Variants in RERE observed in about 807,000 individuals in gnomAD.
The protein encoded by RERE is arginine-glutamic acid dipeptide repeats.
Under a neutral mutation model 146.1 loss-of-function variants are expected in RERE, and 40 were observed. The ratio of observed to expected loss-of-function variants is 0.27; its 90% CI spans 0.21 to 0.36. The LOEUF is 0.36. RERE is among the 10% of genes least tolerant of loss of function. The probability of loss-of-function intolerance (pLI) is 1.00; values close to 1 mark genes in which losing one functional copy is unlikely to be tolerated. For synonymous variants in RERE, 1,003 were observed against 866.0 expected (o/e 1.16, Z -2.78); for missense variants, 1,933 against 2,138.7 (o/e 0.90, Z 1.90).
chr1:8,473,294 C>A (rs1262216554), intron 10 of RERE, among the ~76,000 whole-genome samples: 1 of 152,194 alleles, frequency 6.6e-6, no homozygotes, highest in African/African-American at 2.4e-5. Flanking sequence ...GACATTCCAG[C>A]CTCAGAGGCA....
At chr1:8,635,973 TTATC>T (rs1426510332) in intron 2 of RERE, among the ~76,000 whole-genome samples, 3,462 of 86,260 alleles carry the variant, frequency 0.04, 125 homozygotes, top group African/African-American at 0.12. Context: ...TTATCTTATC[TTATC>T]TTATTTTATT....
intron 3 of RERE, among the ~76,000 whole-genome samples, chr1:8,622,712 T>C (rs1646931482): frequency 6.6e-6 from 1 of 152,056 alleles, no homozygotes; most frequent in South Asian, 2.1e-4. Context: ...ACATTTGACT[T>C]CATCTTAAAA....
chr1:8,701,318 A>ACACG (rs2124439507), intron 1 of RERE, among the ~76,000 whole-genome samples: 1 of 51,516 alleles, frequency 1.9e-5, no homozygotes, highest in South Asian at 5.2e-4. Context: ...ACACACACAC[A>ACACG]CACACGCACA....
intron 4 of RERE, among the ~76,000 whole-genome samples, chr1:8,599,319 T>G (rs1481393900): frequency 2.0e-5 from 3 of 152,222 alleles, no homozygotes; most frequent in Admixed American, 6.5e-5. Context: ...AAGGCCAACT[T>G]CTTGTATAAC....
intron 21 of RERE, 111 bp from the exon 22 acceptor site, chr1:8,355,710 A>G: frequency 1.1e-6 from 1 of 936,422 alleles, no homozygotes; most frequent in Non-Finnish European, 1.5e-6. Flanking sequence ...GCCAGTTCGG[A>G]CACAGGAGCC....
intron 3 of RERE, among the ~76,000 whole-genome samples, chr1:8,619,844 C>T (rs568701708): frequency 1.3e-5 from 2 of 152,252 alleles, no homozygotes; most frequent in East Asian, 3.9e-4. Context: ...CTTGTCAATC[C>T]TATTCAGAAT....
At chr1:8,388,714 A>G (rs1267808279) in intron 12 of RERE, among the ~76,000 whole-genome samples, 3 of 150,552 alleles carry the variant, frequency 2.0e-5, no homozygotes, top group East Asian at 2.0e-4. Context: ...TAACTCTTCA[A>G]TATTTAACTA....
rs574419373 is a variant in RERE, at chr1:8,816,296, A to G, written c.-145+864T>C. ...GCTATTTCACGATTCATACAAAACT[A>G]CTTTCTAAATGTACCTTAAAAAAGC... On this transcript the variant is annotated intron_variant, in intron 1 of 22. Coordinates refer to ENST00000400908, the MANE Select transcript of RERE (RefSeq NM_001042681.2). 1.9e-4 allele frequency among the ~76,000 whole-genome samples: 29 copies of G among 152,314 alleles called. 1 individual carries two copies. In the South Asian group the frequency reaches 5.8e-3, roughly 30 times the overall value.
chr1:8,729,773 C>T (rs534666041), intron 1 of RERE, among the ~76,000 whole-genome samples: 76 of 152,236 alleles, frequency 5.0e-4, no homozygotes, highest in Non-Finnish European at 9.4e-4. Flanking sequence ...GACTGCTATC[C>T]ACCCTATACT....
intron 1 of RERE, among the ~76,000 whole-genome samples, chr1:8,660,235 CA>C (rs1020107063): frequency 6.6e-6 from 1 of 152,080 alleles, no homozygotes; most frequent in African/African-American, 2.4e-5. Flanking sequence ...CTATGTTTAG[CA>C]TATGAATTAT....
intron 1 of RERE, among the ~76,000 whole-genome samples, chr1:8,808,733 T>C (rs1641736056): frequency 6.6e-6 from 1 of 152,146 alleles, no homozygotes; most frequent in Admixed American, 6.5e-5. Flanking sequence ...TGGTAAGTTC[T>C]GAAACTTAGG....
intron 12 of RERE, among the ~76,000 whole-genome samples, chr1:8,375,065 T>G (rs571038547): frequency 6.6e-6 from 1 of 151,910 alleles, no homozygotes; most frequent in Admixed American, 6.6e-5. Flanking sequence ...CAGGCTTCCC[T>G]GTGCTGTAAC....
chr1:8,681,776 T>C (rs998147909), intron 1 of RERE, among the ~76,000 whole-genome samples: 1 of 152,062 alleles, frequency 6.6e-6, no homozygotes, highest in South Asian at 2.1e-4. Context: ...TTTCCACAGA[T>C]CCCAGTAGAA....
chr1:8,623,464 G>A (rs6704057), intron 3 of RERE, among the ~76,000 whole-genome samples: 2,313 of 152,198 alleles, frequency 0.015, 61 homozygotes, highest in African/African-American at 0.053. Flanking sequence ...CAACAACAAT[G>A]ACAAATAGTG....
At chr1:8,635,937 A>ATT (rs1199686063) in intron 2 of RERE, among the ~76,000 whole-genome samples, 3 of 147,460 alleles carry the variant, frequency 2.0e-5, no homozygotes, top group African/African-American at 7.8e-5. Context: ...GTCTTCAATT[A>ATT]TTATTTTATT....
chr1:8,769,169 A>T (rs2124542825), intron 1 of RERE, among the ~76,000 whole-genome samples: 1 of 152,330 alleles, frequency 6.6e-6, no homozygotes, highest in South Asian at 2.1e-4. Flanking sequence ...TTTTTTACCC[A>T]ATGATTTGAG....
chr1:8,734,125 A>T (rs1231886513), intron 1 of RERE, among the ~76,000 whole-genome samples: 1 of 152,190 alleles, frequency 6.6e-6, no homozygotes, highest in Non-Finnish European at 1.5e-5. Flanking sequence ...AAATAAAATA[A>T]AATAAAATGC....
chr1:8,798,991 CTTTTTG>C (rs1333676587), intron 1 of RERE, among the ~76,000 whole-genome samples: 30 of 151,082 alleles, frequency 2.0e-4, no homozygotes, highest in East Asian at 1.2e-3. Context: ...TGTGCCCGGC[CTTTTTG>C]TTTTTGTTTT....
chr1:8,691,872 G>A (rs991940015), intron 1 of RERE, among the ~76,000 whole-genome samples: 2 of 152,184 alleles, frequency 1.3e-5, no homozygotes, highest in East Asian at 1.9e-4. Flanking sequence ...CCTGGAAGTA[G>A]TTCTAACCTC....
Sources: allele counts gnomAD v4.1 joint callset (sites outside exome capture counted in the v4.1 genomes callset), GRCh38; gene constraint gnomAD v4.1.1; transcripts MANE v1.5; gene names NCBI Gene and HGNC (gene_info 2026-07-23, HGNC 2026-07-21).